OTOP1: variants seen among roughly 807,000 people sequenced by gnomAD.
OTOP1 encodes the protein otopetrin 1.
Under a neutral mutation model 52.9 loss-of-function variants are expected in OTOP1, and 59 were observed. The observed-to-expected ratio is 1.12, with a 90% CI of 0.91 to 1.39. OTOP1 has a LOEUF of 1.39. Ranked by LOEUF, OTOP1 falls within the 40% of genes most tolerant of loss-of-function variation. OTOP1 has a pLI of 0.00. For missense variants in OTOP1, 761 were observed against 800.9 expected, an observed-to-expected ratio of 0.95 and a Z score of 0.60; for synonymous variants, 317 against 337.7, an observed-to-expected ratio of 0.94 and a Z score of 0.67.
chr4:4,211,112 T>G (rs1309709220), intron 2 of OTOP1, among the ~76,000 whole-genome samples: 1 of 152,222 alleles, frequency 6.6e-6, no homozygotes, highest in Non-Finnish European at 1.5e-5. Context: ...CTGGGCATGT[T>G]CTGTCTGTTA....
intron 5 of OTOP1, among the ~76,000 whole-genome samples, chr4:4,192,688 A>G (rs1305648479): frequency 6.6e-6 from 1 of 152,090 alleles, no homozygotes; most frequent in African/African-American, 2.4e-5. Context: ...CTCCCCAGGA[A>G]CTCAAGTGTG....
Position 4,198,015 on chromosome 4 carries a change from G to T in OTOP1, c.819C>A (p.Phe273Leu). The change falls in exon 5 of 6, where the codon TTC (phenylalanine) becomes TTA (leucine). Residue 273 changes from phenylalanine (F) to leucine (L), a missense_variant. Around this residue, in one of 3 missense-constraint regions of OTOP1, gnomAD observed 632 missense variants for 619.5 expected, o/e 1.02. Transcript: ENST00000296358. Reference protein sequence around the residue: ...ISHGIYYLYPFNIEYQILAST... With the variant: ...ISHGIYYLYPLNIEYQILAST... Reference sequence around the variant, plus strand: ...AGGCCAGGATCTGATACTCTATGTTGAAGGGGTAGAGGTAGTAGATCCCGT... The same window carrying T: ...AGGCCAGGATCTGATACTCTATGTTTAAGGGGTAGAGGTAGTAGATCCCGT... 6.2e-7 allele frequency: 1 copy of T among 1,614,108 alleles called. No individual in the cohort carries two copies. The highest frequency in any genetic ancestry group is 1.6e-4 in the Middle Eastern group (1 of 6,062).
intron 5 of OTOP1, among the ~76,000 whole-genome samples, chr4:4,192,161 T>A (rs1716523349): frequency 6.6e-6 from 1 of 152,076 alleles, no homozygotes; most frequent in African/African-American, 2.4e-5. Flanking sequence ...ACAGGCAGCT[T>A]CCAGTTCAAT....
chr4:4,197,609 T>A lies in OTOP1; in HGVS notation c.1225A>T (p.Ile409Phe), dbSNP rs771208427. ...SGSWLISWGS[I>F]LAILCAEGHP... ...CCCTCAGCACAGAGGATGGCCAAGATTGAGCCCCAGGAGATAAGCCAGGAG... is the reference window on the plus strand; with the variant it reads ...CCCTCAGCACAGAGGATGGCCAAGAATGAGCCCCAGGAGATAAGCCAGGAG... Residue 409 changes from isoleucine (I) to phenylalanine (F), a missense_variant, in exon 5 of 6, where the codon ATC becomes TTC. Ile to Phe is a conservative substitution (Grantham distance 21). Transcript: ENST00000296358. 2 of 1,613,916 alleles carry A rather than the reference T, an allele frequency of 1.2e-6. No homozygotes were observed. The highest frequency in any genetic ancestry group is 1.7e-6 in the Non-Finnish European group (2 of 1,179,988).
intron 5 of OTOP1, among the ~76,000 whole-genome samples, chr4:4,189,310 A>G (rs891268695): frequency 3.9e-5 from 6 of 152,184 alleles, no homozygotes; most frequent in Admixed American, 6.5e-5. Flanking sequence ...CGTGTCTGAG[A>G]GGGCTTAGAT....
intron 1 of OTOP1, among the ~76,000 whole-genome samples, chr4:4,225,118 T>C (rs1717398744): frequency 1.3e-5 from 2 of 152,318 alleles, no homozygotes; most frequent in African/African-American, 2.4e-5. Context: ...AGGTCTAATA[T>C]GAGAGTCCAA....
intron 1 of OTOP1, among the ~76,000 whole-genome samples, chr4:4,220,548 A>G (rs1450884053): frequency 2.0e-5 from 3 of 152,190 alleles, no homozygotes; most frequent in Non-Finnish European, 2.9e-5. Flanking sequence ...CCCATCTCTA[A>G]GATGTAATGA....
intron 3 of OTOP1, 129 bp from the exon 4 acceptor site, chr4:4,202,707 C>G (rs1716816690): frequency 8.0e-7 from 1 of 1,250,648 alleles, no homozygotes; most frequent in Admixed American, 2.1e-5. Context: ...CCTGGCAGTT[C>G]AGGCTCTGGG....
rs1716658064 is a variant in OTOP1, at chr4:4,197,228, C to G, written c.1606G>C (p.Gly536Arg). ...CTCAGGACTTTTCTCTTGGCGTTGC[C>G]CTGTAAGAAACGGGGAAGGCGGACT... ...SPVRLPRFLQ[G>R]NAKRKVLRNI... Residue 536 changes from glycine (G) to arginine (R), a missense_variant, in exon 5 of 6, where the codon GGC becomes CGC. Gly to Arg is a moderately radical substitution (Grantham distance 125). Transcript: ENST00000296358. The G allele has an allele frequency of 6.3e-7, 1 of 1,590,672 alleles. No homozygotes were observed. The highest frequency in any genetic ancestry group is 1.5e-5 in the African/African-American group (1 of 66,282).
At chr4:4,206,728 G>A (rs1716913901) in intron 2 of OTOP1, among the ~76,000 whole-genome samples, 1 of 152,148 alleles carries the variant, frequency 6.6e-6, no homozygotes, top group African/African-American at 2.4e-5. Flanking sequence ...ATAGCCCATG[G>A]CCTTGGGCAA....
rs1274806999 is a variant in OTOP1, at chr4:4,201,446, G to GAATA, written c.730+998_730+1001dup. Among the ~76,000 whole-genome samples, 3 of 124,934 alleles carry GAATA rather than the reference G, an allele frequency of 2.4e-5. No homozygotes were observed. In the Admixed American group the frequency reaches 2.5e-4, roughly 10 times the overall value. The allele number at this position is 124,934 out of a possible 152,430, so 82.0% of individuals were successfully genotyped here. A position where few individuals can be genotyped will look rare whatever the true frequency, so the allele number is the denominator to read the frequency against. On this transcript the variant is annotated intron_variant, in intron 4 of 5. Coordinates refer to ENST00000296358, the MANE Select transcript of OTOP1 (RefSeq NM_177998.3). ...TGTCTCAAAAAAAATAAATAAAATA[G>GAATA]AATAAATAAATAAATATATATATAT...
At position 4,203,980 on chromosome 4, in the gene OTOP1, T is replaced by A. The variant is rs6828895; in HGVS notation, c.600-1402A>T. Among the ~76,000 whole-genome samples the A allele has an allele frequency of 5.5e-3, 839 of 152,292 alleles. 3 individuals carry two copies. Among genetic ancestry groups the A allele is most frequent in the African/African-American group, 0.019 (798 of 41,564 alleles). ...AATACCTATAGGACATCAAAGAAGC[T>A]GGGTCTTGGAAGCAGAGCTAGAGGG... On this transcript the variant is annotated intron_variant, in intron 3 of 5. Transcript: ENST00000296358.
rs564173434 is a variant in OTOP1, at chr4:4,217,139, C to A, written c.404-4135G>T. 2.2e-4 allele frequency among the ~76,000 whole-genome samples: 34 copies of A among 152,342 alleles called. No homozygotes were observed. In the South Asian group the frequency reaches 6.8e-3, roughly 31 times the overall value. ...TTTTCTTATACTCTTTAAGTTCTCC[C>A]TTTCTTCCTGTGTTCATCCATTCAT... On this transcript the variant is annotated intron_variant, in intron 1 of 5. Coordinates refer to ENST00000296358, the MANE Select transcript of OTOP1 (RefSeq NM_177998.3).
chr4:4,219,118 CAAAA>C (rs148092578), intron 1 of OTOP1, among the ~76,000 whole-genome samples: 2,243 of 152,038 alleles, frequency 0.015, 65 homozygotes, highest in African/African-American at 0.05. Flanking sequence ...AAAATGGAAA[CAAAA>C]AAGCCAACTG....
At chr4:4,226,415 CA>C in intron 1 of OTOP1, 46 bp downstream of exon 1, 1 of 1,384,574 alleles carries the variant, frequency 7.2e-7, no homozygotes, top group Non-Finnish European at 9.3e-7. Flanking sequence ...AGGATGCAGC[CA>C]GCGGGCGAGG....
Position 4,201,473 on chromosome 4 carries a change from C to T in OTOP1, c.730+975G>A, listed in dbSNP as rs562917285. Among the ~76,000 whole-genome samples, 754 of 144,964 alleles carry T rather than the reference C, an allele frequency of 5.2e-3. 4 individuals are homozygous for T. Among genetic ancestry groups the T allele is most frequent in the South Asian group, 0.018 (79 of 4,394 alleles). ...ATAAATAAATAAATATATATATATACACACACACACACACACACACACACA... is the reference window on the plus strand; with the variant it reads ...ATAAATAAATAAATATATATATATATACACACACACACACACACACACACA... On this transcript the variant is annotated intron_variant, in intron 4 of 5. Coordinates refer to ENST00000296358, the MANE Select transcript of OTOP1 (RefSeq NM_177998.3).
At chr4:4,200,255 G>A (rs1036937796) in intron 4 of OTOP1, among the ~76,000 whole-genome samples, 3 of 152,086 alleles carry the variant, frequency 2.0e-5, no homozygotes, top group Non-Finnish European at 4.4e-5. Flanking sequence ...CAGCACTTTG[G>A]AAGGCCGAGG....
chr4:4,218,047 T>C (rs1340435313), intron 1 of OTOP1, among the ~76,000 whole-genome samples: 4 of 152,162 alleles, frequency 2.6e-5, no homozygotes, highest in Non-Finnish European at 5.9e-5. Context: ...TAAAGACTTG[T>C]CATACAGAAT....
At chr4:4,194,061 T>C (rs1716570543) in intron 5 of OTOP1, among the ~76,000 whole-genome samples, 1 of 152,074 alleles carries the variant, frequency 6.6e-6, no homozygotes, top group African/African-American at 2.4e-5. Flanking sequence ...GGTGGTTGCA[T>C]GCCTGTAGTC....
Sources: gnomAD v4.1 joint callset for allele counts (sites outside exome capture counted in the v4.1 genomes callset) on GRCh38, gnomAD v4.1.1 for gene constraint, gnomAD v4.1.1 regional missense constraint, MANE v1.5 for transcripts, NCBI Gene and HGNC (gene_info 2026-07-23, HGNC 2026-07-21) for gene names.